Variants in CEP89 observed in about 807,000 individuals in gnomAD.
CEP89 encodes centrosomal protein of 89 kDa.
A neutral mutation model predicts 97.6 loss-of-function variants in CEP89; 95 were observed. The ratio of observed to expected loss-of-function variants is 0.97; its 90% CI spans 0.82 to 1.15. The LOEUF is 1.15. Among genes scored for constraint, CEP89 ranks in the 50% most tolerant of loss-of-function variants. The pLI is 0.00. For missense variants in CEP89, 869 were observed against 947.7 expected (o/e 0.92, Z 1.09); for synonymous variants, 354 against 349.1 (o/e 1.01, Z -0.16).
At chr19:32,904,900 T>C (rs940219934) in intron 14 of CEP89, among the ~76,000 whole-genome samples, 1 of 152,178 alleles carries the variant, frequency 6.6e-6, no homozygotes, top group Non-Finnish European at 1.5e-5. Flanking sequence ...CAAAATACCA[T>C]TTTCTACACA....
chr19:32,965,715 A>T (rs996999416), intron 2 of CEP89, among the ~76,000 whole-genome samples: 12 of 138,120 alleles, frequency 8.7e-5, no homozygotes, highest in Non-Finnish European at 1.3e-4. Flanking sequence ...ATTAATAATT[A>T]AAAAAAAAAA....
intron 17 of CEP89, among the ~76,000 whole-genome samples, chr19:32,884,658 C>T (rs1483643153): frequency 6.6e-6 from 1 of 152,138 alleles, no homozygotes; most frequent in Non-Finnish European, 1.5e-5. Flanking sequence ...TAGCTCACTA[C>T]AGCTTTAAAC....
In CEP89 at chr19:32,931,520, T is replaced by C; in HGVS notation, c.938A>G (p.Asp313Gly). 6.3e-7 allele frequency: 1 copy of C among 1,586,366 alleles called. No individual in the cohort carries two copies. ...YLRKQAQELV[D>G]ENDGLKMTVH... The stretch of plus-strand genomic sequence containing the variant: ...AGTCATTTTCAATCCATCATTTTCA[T>C]CCACCAGTTCTTGAGCTTGTTTTCG... The change falls in exon 9 of 19, where the codon GAT becomes GGT. Residue 313 changes from aspartate to glycine, a missense_variant. By Grantham distance (94) the Asp-to-Gly change is moderately conservative (BLOSUM62 -1). Coordinates refer to ENST00000305768, the MANE Select transcript of CEP89 (RefSeq NM_032816.5).
chr19:32,945,019 T>A (rs1017198017), intron 5 of CEP89, among the ~76,000 whole-genome samples: 1 of 152,212 alleles, frequency 6.6e-6, no homozygotes, highest in Non-Finnish European at 1.5e-5. Flanking sequence ...GGGTTCCTCA[T>A]GTGTTGTCCA....
At chr19:32,883,828 ATTTTGT>A (rs969416853) in intron 17 of CEP89, among the ~76,000 whole-genome samples, 11 of 152,042 alleles carry the variant, frequency 7.2e-5, no homozygotes, top group African/African-American at 2.7e-4. Flanking sequence ...CTATTTTCTT[ATTTTGT>A]TTAACATCTT....
At chr19:32,881,282 C>G (rs577165342) in intron 18 of CEP89, among the ~76,000 whole-genome samples, 116 of 152,076 alleles carry the variant, frequency 7.6e-4, no homozygotes, top group African/African-American at 2.7e-3. Flanking sequence ...GCCTGGGCAA[C>G]AGAGCCAGAC....
chr19:32,956,231 T>A (rs1231076823), intron 3 of CEP89, among the ~76,000 whole-genome samples: 4 of 151,994 alleles, frequency 2.6e-5, no homozygotes, highest in African/African-American at 9.6e-5. Context: ...ATTTTTTGTA[T>A]TTTTAGTAAA....
chr19:32,959,829 A>G (rs920030476), intron 3 of CEP89, 71 bp downstream of exon 3: 7 of 1,560,432 alleles, frequency 4.5e-6, no homozygotes, highest in Non-Finnish European at 4.4e-6. Context: ...GCACACATAC[A>G]CGTAGAGACC....
intron 8 of CEP89, among the ~76,000 whole-genome samples, chr19:32,932,202 GAAAAA>G: frequency 6.7e-6 from 1 of 150,080 alleles, no homozygotes; most frequent in South Asian, 2.1e-4. Flanking sequence ...AAAAGAAAGA[GAAAAA>G]TCATATAGAA....
At chr19:32,887,914 G>C in intron 16 of CEP89, 73 bp from the exon 17 acceptor site, 1 of 844,104 alleles carries the variant, frequency 1.2e-6, no homozygotes, top group South Asian at 1.5e-5. Flanking sequence ...ATTTTGCAAA[G>C]AGTGTTACTG....
At position 32,918,250 on chromosome 19, in the gene CEP89, T is replaced by C. The variant is rs752206906; in HGVS notation, c.1358A>G (p.Asp453Gly). The change falls in exon 13 of 19, where the codon GAC (aspartate) becomes GGC (glycine). Residue 453 changes from aspartate to glycine, a missense_variant. Transcript: ENST00000305768. ...QLEIQQRKAK[D>G]SHQERLQEVS... ...TTCTTGGAGGCGCTCCTGGTGGCTG[T>C]CCTTGGCTTTCCTTTGCTGAATCTC... The C allele has an allele frequency of 3.1e-6, 5 of 1,614,168 alleles. No homozygotes were observed. The highest frequency in any genetic ancestry group is 4.2e-6 in the Non-Finnish European group (5 of 1,180,000).
In CEP89 at chr19:32,933,661, C is replaced by G; in HGVS notation, c.676G>C (p.Gly226Arg). 2 of 1,603,452 alleles carry G rather than the reference C, an allele frequency of 1.2e-6. No individual in the cohort carries two copies. The highest frequency in any genetic ancestry group is 1.7e-6 in the Non-Finnish European group (2 of 1,171,494). The change falls in exon 8 of 19, where the codon GGT becomes CGT. Residue 226 changes from glycine (G) to arginine (R), a missense_variant. Physicochemically the swap from Gly to Arg is moderately radical, Grantham distance 125 (BLOSUM62 -2). Transcript: ENST00000305768. ...TCTGTATATCTTTGACGTGCTCTAC[C>G]AGTTATATCTGAAAGGGTTCAGGGG... ...EKPPPSPDIT[G>R]RARQRYTEIT...
intron 4 of CEP89, among the ~76,000 whole-genome samples, chr19:32,951,233 T>C (rs1375421519): frequency 6.6e-6 from 1 of 152,196 alleles, no homozygotes; most frequent in East Asian, 1.9e-4. Flanking sequence ...GCGCAATGGC[T>C]CACGCCAGTA....
intron 5 of CEP89, among the ~76,000 whole-genome samples, chr19:32,945,988 G>C (rs1027109318): frequency 4.6e-5 from 7 of 152,166 alleles, no homozygotes; most frequent in African/African-American, 1.4e-4. Flanking sequence ...CTCCTCCAGA[G>C]CTGCTTCCTC....
chr19:32,939,226 G>A (rs928567582), intron 6 of CEP89, among the ~76,000 whole-genome samples: 5 of 152,082 alleles, frequency 3.3e-5, no homozygotes, highest in East Asian at 3.9e-4. Flanking sequence ...ACTCCAGCCC[G>A]GGTCACAGAG....
intron 1 of CEP89, chr19:32,971,320 G>A (rs1174329400): frequency 9.6e-6 from 4 of 417,334 alleles, no homozygotes; most frequent in South Asian, 8.9e-5. Flanking sequence ...TTAACTCCGG[G>A]CACGGGGACG....
At chr19:32,945,284 CAAAAAAAAAAAA>C (rs10709515) in intron 5 of CEP89, among the ~76,000 whole-genome samples, 1 of 95,886 alleles carries the variant, frequency 1.0e-5, no homozygotes, top group Non-Finnish European at 2.1e-5. Flanking sequence ...AACTATGTTT[CAAAAAAAAAAAA>C]AAAAAAAAAG....
At chr19:32,950,576 A>T (rs913206676) in intron 4 of CEP89, among the ~76,000 whole-genome samples, 1 of 152,190 alleles carries the variant, frequency 6.6e-6, no homozygotes, top group African/African-American at 2.4e-5. Context: ...CCCACAAAAA[A>T]AGCATTAAGA....
chr19:32,926,046 T>C (rs988134827), intron 11 of CEP89, 144 bp downstream of exon 11: 7 of 690,326 alleles, frequency 1.0e-5, no homozygotes, highest in Non-Finnish European at 1.8e-5. Flanking sequence ...GCCACACTCC[T>C]TCCTTCCTCC....
Sources: allele counts gnomAD v4.1 joint callset (sites outside exome capture counted in the v4.1 genomes callset), GRCh38; gene constraint gnomAD v4.1.1; transcripts MANE v1.5; gene names NCBI Gene and HGNC (gene_info 2026-07-23, HGNC 2026-07-21).